CDC42BPA: variants seen among roughly 807,000 people sequenced by gnomAD.
CDC42BPA encodes serine/threonine-protein kinase MRCK alpha.
Under a neutral mutation model 223.5 loss-of-function variants are expected in CDC42BPA, and 80 were observed. That is an observed-to-expected ratio of 0.36 (90% CI 0.30 to 0.43). The LOEUF (loss-of-function observed/expected upper bound fraction) is 0.43. CDC42BPA is among the 20% of genes least tolerant of loss of function. The probability of loss-of-function intolerance (pLI) is 1.00; values close to 1 mark genes in which losing one functional copy is unlikely to be tolerated. For missense variants in CDC42BPA, 1,743 were observed against 2,099.9 expected (o/e 0.83, Z 3.32); for synonymous variants, 694 against 718.6 (o/e 0.97, Z 0.55).
chr1:227,016,897 C>G, intron 33 of CDC42BPA, 30 bp downstream of exon 33: 1 of 1,594,898 alleles, frequency 6.3e-7, no homozygotes, highest in Non-Finnish European at 8.5e-7. Flanking sequence ...TACAAGCAAG[C>G]ATGGATGATA....
intron 1 of CDC42BPA, among the ~76,000 whole-genome samples, chr1:227,273,299 A>C (rs577930712): frequency 8.4e-6 from 1 of 118,784 alleles, no homozygotes; most frequent in East Asian, 2.5e-4. Context: ...CTCTGTCTCA[A>C]AAAAAAGGCC....
chr1:227,160,630 A>G lies in CDC42BPA; in HGVS notation c.606T>C (p.Ile202=), dbSNP rs771868058. 2 of 1,533,864 alleles carry G rather than the reference A, an allele frequency of 1.3e-6. No individual in the cohort carries two copies. The highest frequency in any genetic ancestry group is 1.8e-6 in the Non-Finnish European group (2 of 1,120,302). ...TATCCATCAGTATATTGTCAGGTTT[A>G]ATGTCTCTGAAAAAATAAATAAATT... is the stretch of plus-strand genomic sequence containing the variant. The part of the protein sequence containing the change: ...VHQLHYVHRD[I]KPDNILMDMN... The change falls in exon 6 of 37, where the codon ATT becomes ATC. Residue 202 remains isoleucine (I), a synonymous_variant. Transcript: ENST00000366766.
intron 14 of CDC42BPA, among the ~76,000 whole-genome samples, chr1:227,105,707 C>T (rs977942698): frequency 6.6e-6 from 1 of 152,076 alleles, no homozygotes; most frequent in Non-Finnish European, 1.5e-5. Flanking sequence ...TAGTATTTGT[C>T]CTGTTGTGTC....
In CDC42BPA at chr1:227,129,225, G is replaced by C. The variant is rs781685820; in HGVS notation, c.1397C>G (p.Thr466Arg). Residue 466 changes from threonine (T) to arginine (R), a missense_variant, in exon 11 of 37, where the codon ACA (threonine) becomes AGA (arginine). Around this residue, in one of 6 missense-constraint regions of CDC42BPA, gnomAD observed 464 missense variants for 488.0 expected, o/e 0.95. Coordinates refer to ENST00000366766, the MANE Select transcript of CDC42BPA (RefSeq NM_001394014.1). ...ATACTGCAGAGCTTGGACAGTCTGT[G>C]TTGACTCTTTAAAAAAAAGGATAAA... ...LELSRKLQES[T>R]QTVQALQYST... 2.0e-5 allele frequency: 32 copies of C among 1,564,978 alleles called. No individual in the cohort carries two copies. The East Asian group carries it at 7.3e-4, about 36-fold the overall frequency.
At chr1:227,044,091 A>G (rs74792879) in intron 23 of CDC42BPA, among the ~76,000 whole-genome samples, 13,879 of 149,966 alleles carry the variant, frequency 0.093, 855 homozygotes, top group Middle Eastern at 0.16. Context: ...AATTTCTCCA[A>G]TGATTAATGA....
intron 3 of CDC42BPA, among the ~76,000 whole-genome samples, chr1:227,204,521 G>C (rs1672329358): frequency 6.6e-6 from 1 of 152,030 alleles, no homozygotes; most frequent in African/African-American, 2.4e-5. Context: ...TTTAATTTAG[G>C]GAGTGGATAA....
intron 5 of CDC42BPA, among the ~76,000 whole-genome samples, chr1:227,171,715 G>A (rs1666136343): frequency 6.6e-6 from 1 of 152,020 alleles, no homozygotes; most frequent in South Asian, 2.1e-4. Context: ...CCAAAAGCAT[G>A]ATTATTACAA....
At chr1:227,300,182 T>A (rs1275328831) in intron 1 of CDC42BPA, among the ~76,000 whole-genome samples, 2 of 152,198 alleles carry the variant, frequency 1.3e-5, no homozygotes, top group African/African-American at 4.8e-5. Flanking sequence ...TTGCTGTGGA[T>A]GTGGTGAAAA....
chr1:227,072,476 T>C (rs192013279), intron 19 of CDC42BPA, among the ~76,000 whole-genome samples, 177 bp from the exon 20 acceptor site: 2 of 151,944 alleles, frequency 1.3e-5, no homozygotes, highest in East Asian at 1.9e-4. Flanking sequence ...AGATTAACAG[T>C]TTTACTAGAA....
At chr1:227,290,880 C>A (rs1273150128) in intron 1 of CDC42BPA, among the ~76,000 whole-genome samples, 1 of 152,114 alleles carries the variant, frequency 6.6e-6, no homozygotes, top group Non-Finnish European at 1.5e-5. Flanking sequence ...TAAAGCTTTA[C>A]TATAGCACTA....
intron 5 of CDC42BPA, among the ~76,000 whole-genome samples, chr1:227,182,616 G>C (rs540557222): frequency 6.6e-6 from 1 of 152,314 alleles, no homozygotes; most frequent in East Asian, 1.9e-4. Context: ...GTACATTAGT[G>C]TTAGACTAGA....
At chr1:227,116,798 G>A (rs578012884) in intron 12 of CDC42BPA, among the ~76,000 whole-genome samples, 1 of 152,128 alleles carries the variant, frequency 6.6e-6, no homozygotes, top group Non-Finnish European at 1.5e-5. Flanking sequence ...AGAAAACTAA[G>A]AGATTTACCT....
At position 227,060,870 on chromosome 1, in the gene CDC42BPA, C is replaced by T. The variant is rs367689274; in HGVS notation, c.2905-8885G>A. On this transcript the variant is annotated intron_variant, in intron 21 of 36. Coordinates refer to ENST00000366766, the MANE Select transcript of CDC42BPA (RefSeq NM_001394014.1). ...CCGAGTAGCTGTGATTACAAGTGCG[C>T]GCCACCATGCCCGGCTAATTTTTGT... Among the ~76,000 whole-genome samples the T allele has an allele frequency of 1.4e-3, 210 of 151,628 alleles. 2 individuals are homozygous for T. Among genetic ancestry groups the T allele is most frequent in the African/African-American group, 4.4e-3 (182 of 41,370 alleles).
chr1:227,258,183 A>G (rs1018887567), intron 1 of CDC42BPA, among the ~76,000 whole-genome samples: 1 of 150,014 alleles, frequency 6.7e-6, no homozygotes, highest in Non-Finnish European at 1.5e-5. Flanking sequence ...CGGGAAAAAA[A>G]AAAAAAAAAA....
intron 35 of CDC42BPA, among the ~76,000 whole-genome samples, chr1:226,996,210 C>T (rs556421374): frequency 1.2e-4 from 18 of 152,316 alleles, no homozygotes; most frequent in East Asian, 9.6e-4. Context: ...TACTGTTTAG[C>T]GTATGATGGA....
rs1663463883 is a variant in CDC42BPA, at chr1:227,159,524, CTAGAG to C, written c.693+1014_693+1018del. On this transcript the variant is annotated intron_variant, in intron 6 of 36. Coordinates refer to ENST00000366766, the MANE Select transcript of CDC42BPA (RefSeq NM_001394014.1). Reference sequence around the variant, plus strand: ...TTTTTCCAAAGTTAAAATTACTGGTCTAGAGTAATGTGACATTTTCATGGCTTTTG... The same window carrying C: ...TTTTTCCAAAGTTAAAATTACTGGTCTAATGTGACATTTTCATGGCTTTTG... Among the ~76,000 whole-genome samples, 3 of 151,918 alleles carry C rather than the reference CTAGAG, an allele frequency of 2.0e-5. No homozygotes were observed. In the South Asian group the frequency reaches 6.2e-4, roughly 32 times the overall value.
rs1422035990 is a variant in CDC42BPA at position 227,081,270 on chromosome 1, G to A, written c.2356-253C>T. Among the ~76,000 whole-genome samples the A allele has an allele frequency of 2.7e-5, 4 of 149,646 alleles. No individual in the cohort carries two copies. In the East Asian group the frequency reaches 6.0e-4, roughly 22 times the overall value. ...CTTGGCTTAAGAATTGCCCATTTCT[G>A]TTGGTAATAGCTTTTTTTTTTCTCC... On this transcript the variant is annotated intron_variant, in intron 16 of 36. Coordinates refer to ENST00000366766, the MANE Select transcript of CDC42BPA (RefSeq NM_001394014.1).
At chr1:227,232,654 G>A (rs1001228834) in intron 2 of CDC42BPA, among the ~76,000 whole-genome samples, 3 of 152,206 alleles carry the variant, frequency 2.0e-5, no homozygotes, top group African/African-American at 7.2e-5. Context: ...TCAGCCGCAG[G>A]TCTGTTGGAG....
At chr1:227,302,820 G>C (rs1460195908) in intron 1 of CDC42BPA, among the ~76,000 whole-genome samples, 1 of 151,586 alleles carries the variant, frequency 6.6e-6, no homozygotes. Flanking sequence ...ATCTCTCTGT[G>C]GCTTTTTGCT....
Sources: gnomAD v4.1 joint callset for allele counts (sites outside exome capture counted in the v4.1 genomes callset) on GRCh38, gnomAD v4.1.1 for gene constraint, gnomAD v4.1.1 regional missense constraint, MANE v1.5 for transcripts, NCBI Gene and HGNC (gene_info 2026-07-23, HGNC 2026-07-21) for gene names.